The following EGFLAM variants were observed in gnomAD, a reference collection of about 807,000 sequenced individuals.
EGFLAM encodes the protein EGF like, fibronectin type III and laminin G domains, also known as pikachurin.
EGFLAM carries 79 observed loss-of-function variants against 113.1 expected under a neutral mutation model. That is an observed-to-expected ratio of 0.70 (90% CI 0.58 to 0.84). EGFLAM has a LOEUF of 0.84. Ranked by LOEUF, EGFLAM falls within the 40% of genes least tolerant of loss-of-function variation. EGFLAM has a pLI of 0.00. For synonymous variants in EGFLAM, 504 were observed against 487.6 expected (o/e 1.03, Z -0.44); for missense variants, 1,265 against 1,291.6 (o/e 0.98, Z 0.32).
chr5:38,438,825 GC>G (rs1269142883), intron 17 of EGFLAM, among the ~76,000 whole-genome samples: 1 of 152,172 alleles, frequency 6.6e-6, no homozygotes, highest in African/African-American at 2.4e-5. Context: ...GAATGCCTAT[GC>G]TTTGTAGACT....
chr5:38,461,927 A>AGGCC (rs1314707255), intron 20 of EGFLAM, among the ~76,000 whole-genome samples: 2 of 152,034 alleles, frequency 1.3e-5, no homozygotes, highest in Admixed American at 6.5e-5. Context: ...GCACTTTGGG[A>AGGCC]GGCCGAGGAG....
rs1480649438 is a variant in EGFLAM at position 38,381,843 on chromosome 5, A to G, written c.712+11381A>G. Among the ~76,000 whole-genome samples the G allele has an allele frequency of 2.6e-5, 4 of 152,158 alleles. No homozygotes were observed. The East Asian group carries it at 7.7e-4, about 29-fold the overall frequency. On this transcript the variant is annotated intron_variant, in intron 6 of 21. Coordinates refer to ENST00000322350, the MANE Select transcript of EGFLAM (RefSeq NM_152403.4). The stretch of plus-strand genomic sequence containing the variant: ...CAGAGGAATTTAGGAATCAAGTCTG[A>G]AAAGGTAATCGCCAAACTGGGTTTT...
intron 1 of EGFLAM, among the ~76,000 whole-genome samples, chr5:38,305,787 A>G (rs2111841638): frequency 6.6e-6 from 1 of 152,348 alleles, no homozygotes; most frequent in Admixed American, 6.5e-5. Context: ...TTTATTATGT[A>G]GGTTCTGCAT....
Position 38,329,552 on chromosome 5 carries a change from C to T in EGFLAM, c.98-7968C>T, listed in dbSNP as rs187065413. On this transcript the variant is annotated intron_variant, in intron 1 of 21. Coordinates refer to ENST00000322350, the MANE Select transcript of EGFLAM (RefSeq NM_152403.4). ...CTGGCATCCTCCTTCTCTGTGTTGCCCAAGCTAGAATCCTTGGAGTCACCT... is the reference window on the plus strand; with the variant it reads ...CTGGCATCCTCCTTCTCTGTGTTGCTCAAGCTAGAATCCTTGGAGTCACCT... Among the ~76,000 whole-genome samples the T allele has an allele frequency of 7.8e-3, 1,189 of 152,164 alleles. 17 individuals carry two copies. The highest frequency in any genetic ancestry group is 0.027 in the African/African-American group (1,107 of 41,486).
At chr5:38,372,682 A>G (rs940501910) in intron 6 of EGFLAM, among the ~76,000 whole-genome samples, 1 of 152,226 alleles carries the variant, frequency 6.6e-6, no homozygotes, top group Admixed American at 6.5e-5. Context: ...ATGCTAAGTC[A>G]ATGAAAATTC....
Position 38,449,877 on chromosome 5 carries a change from A to C in EGFLAM, c.2544-1438A>C, listed in dbSNP as rs377318364. Among the ~76,000 whole-genome samples the C allele has an allele frequency of 5.3e-5, 8 of 152,236 alleles. No homozygotes were observed. The South Asian group carries it at 1.5e-3, about 28-fold the overall frequency. ...CAGACTTACACTGGATCTTGGGTTG[A>C]TTAATTAAGAGAAGCAGCTGTACCC... On this transcript the variant is annotated intron_variant, in intron 18 of 21. Coordinates refer to ENST00000322350, the MANE Select transcript of EGFLAM (RefSeq NM_152403.4).
At chr5:38,339,269 G>A (rs1739271384) in intron 3 of EGFLAM, among the ~76,000 whole-genome samples, 3 of 151,920 alleles carry the variant, frequency 2.0e-5, no homozygotes, top group Admixed American at 2.0e-4. Flanking sequence ...CTAACCGATT[G>A]TTGGGTCCTC....
chr5:38,407,710 CACTT>C (rs1168245184), intron 8 of EGFLAM, 91 bp from the exon 9 acceptor site: 1 of 840,568 alleles, frequency 1.2e-6, no homozygotes, highest in East Asian at 2.5e-5. Context: ...TGAGGGTTCT[CACTT>C]AATGATATTC....
chr5:38,358,631 T>C (rs1300708849), intron 5 of EGFLAM, among the ~76,000 whole-genome samples: 1 of 152,024 alleles, frequency 6.6e-6, no homozygotes, highest in African/African-American at 2.4e-5. Context: ...ACCCCCAAAA[T>C]AGAGGACACC....
intron 6 of EGFLAM, among the ~76,000 whole-genome samples, chr5:38,371,101 G>A (rs949407146): frequency 6.6e-6 from 1 of 152,140 alleles, no homozygotes; most frequent in Admixed American, 6.5e-5. Context: ...ATTGGCAAAA[G>A]CTTAGAACAC....
intron 5 of EGFLAM, among the ~76,000 whole-genome samples, chr5:38,370,055 A>G (rs1037453960): frequency 6.6e-6 from 1 of 152,144 alleles, no homozygotes; most frequent in Non-Finnish European, 1.5e-5. Context: ...GGAAAAACGG[A>G]TTGTCTTTAA....
At chr5:38,278,822 T>A (rs1448541988) in intron 1 of EGFLAM, among the ~76,000 whole-genome samples, 1 of 151,984 alleles carries the variant, frequency 6.6e-6, no homozygotes, top group Non-Finnish European at 1.5e-5. Context: ...TGATGTAATT[T>A]TTGGGATAAA....
intron 1 of EGFLAM, among the ~76,000 whole-genome samples, chr5:38,287,847 A>G (rs1052500445): frequency 7.2e-5 from 11 of 152,248 alleles, no homozygotes; most frequent in Non-Finnish European, 1.6e-4. Flanking sequence ...CTAATCAGTC[A>G]TTAATGTTTA....
intron 1 of EGFLAM, among the ~76,000 whole-genome samples, chr5:38,329,320 A>C (rs1431115260): frequency 2.0e-5 from 3 of 151,704 alleles, no homozygotes; most frequent in Non-Finnish European, 4.4e-5. Context: ...TAAATAAATA[A>C]ATAAATAAAT....
chr5:38,424,782 T>G (rs1308351620), intron 12 of EGFLAM, among the ~76,000 whole-genome samples, 185 bp from the exon 13 acceptor site: 1 of 152,192 alleles, frequency 6.6e-6, no homozygotes, highest in African/African-American at 2.4e-5. Flanking sequence ...CAAAATCAAA[T>G]TAAAATGAAG....
intron 1 of EGFLAM, among the ~76,000 whole-genome samples, chr5:38,296,760 T>C (rs1758461662): frequency 6.6e-6 from 1 of 152,056 alleles, no homozygotes. Flanking sequence ...TATATGTAAA[T>C]ATAATTTTCC....
chr5:38,316,900 G>T (rs554361654), intron 1 of EGFLAM, among the ~76,000 whole-genome samples: 1 of 152,310 alleles, frequency 6.6e-6, no homozygotes, highest in South Asian at 2.1e-4. Flanking sequence ...GAGACTTGCT[G>T]CTTTGGGCCA....
chr5:38,417,458 G>A (rs1182781894), intron 11 of EGFLAM, among the ~76,000 whole-genome samples: 1 of 150,330 alleles, frequency 6.7e-6, no homozygotes, highest in Non-Finnish European at 1.5e-5. Flanking sequence ...AATCCAGATT[G>A]TGGTTTGGTC....
intron 1 of EGFLAM, among the ~76,000 whole-genome samples, chr5:38,304,167 C>A (rs1758667602): frequency 6.6e-6 from 1 of 151,290 alleles, no homozygotes; most frequent in African/African-American, 2.4e-5. Context: ...GAATCTAAAG[C>A]TAGCATTAAG....
Sources: gnomAD v4.1 joint callset for allele counts (sites outside exome capture counted in the v4.1 genomes callset) on GRCh38, gnomAD v4.1.1 for gene constraint, MANE v1.5 for transcripts, NCBI Gene and HGNC (gene_info 2026-07-23, HGNC 2026-07-21) for gene names.